The following ARID2 variants were observed in gnomAD, a reference collection of about 807,000 sequenced individuals.
The protein encoded by ARID2 is AT-rich interactive domain-containing protein 2.
A neutral mutation model predicts 184.6 loss-of-function variants in ARID2; 32 were observed. The ratio of observed to expected loss-of-function variants is 0.17; its 90% CI spans 0.13 to 0.23. The LOEUF (loss-of-function observed/expected upper bound fraction) is 0.23. ARID2 is among the 10% of genes least tolerant of loss of function. The pLI, the probability that ARID2 is intolerant of heterozygous loss-of-function variation, is 1.00. For synonymous variants in ARID2, 836 were observed against 772.6 expected, an observed-to-expected ratio of 1.08 and a Z score of -1.36; for missense variants, 1,696 against 2,197.6, an observed-to-expected ratio of 0.77 and a Z score of 4.56.
At chr12:45,745,956 A>G (rs1941347403) in intron 3 of ARID2, among the ~76,000 whole-genome samples, 1 of 151,966 alleles carries the variant, frequency 6.6e-6, no homozygotes, top group African/African-American at 2.4e-5. Flanking sequence ...ACCTAAACTT[A>G]CATATTTGAT....
intron 3 of ARID2, among the ~76,000 whole-genome samples, chr12:45,788,725 C>T (rs1942240792): frequency 6.6e-6 from 1 of 152,048 alleles, no homozygotes; most frequent in Non-Finnish European, 1.5e-5. Flanking sequence ...AGATGGAATT[C>T]TGAATTCTGA....
chr12:45,828,131 TAGAAC>T (rs1592101770), intron 6 of ARID2, among the ~76,000 whole-genome samples: 1 of 152,078 alleles, frequency 6.6e-6, no homozygotes, highest in Admixed American at 6.5e-5. Flanking sequence ...GATGAAGAAT[TAGAAC>T]ATTATCAACA....
chr12:45,748,167 A>AC (rs1941394154), intron 3 of ARID2, among the ~76,000 whole-genome samples: 2 of 152,146 alleles, frequency 1.3e-5, no homozygotes, highest in Non-Finnish European at 2.9e-5. Context: ...GTTTGAGACA[A>AC]CCTAGGCAGT....
chr12:45,804,965 C>G (rs1029076850), intron 3 of ARID2, among the ~76,000 whole-genome samples: 3 of 152,024 alleles, frequency 2.0e-5, no homozygotes, highest in Non-Finnish European at 4.4e-5. Flanking sequence ...TTTTCTTTTA[C>G]TTACCATTTT....
intron 3 of ARID2, among the ~76,000 whole-genome samples, chr12:45,807,467 C>G (rs534267515): frequency 1.1e-3 from 169 of 152,120 alleles, no homozygotes; most frequent in Non-Finnish European, 2.2e-3. Flanking sequence ...TTAAAAAAAT[C>G]TGAGAGAGAT....
chr12:45,869,900 AAAAC>A lies in ARID2; in HGVS notation c.4922+8962_4922+8965del, dbSNP rs367651416. ...TCCACCTCAAAAACAAAACAAAACAAAAACAAACAAACAAGTCTAATGTTTTCAG... is the reference window on the plus strand; with the variant it reads ...TCCACCTCAAAAACAAAACAAAACAAAAACAAACAAGTCTAATGTTTTCAG... On this transcript the variant is annotated intron_variant, in intron 16 of 20. Transcript: ENST00000334344. Among the ~76,000 whole-genome samples, 576 of 152,282 alleles carry A rather than the reference AAAAC, an allele frequency of 3.8e-3. 13 individuals carry two copies. The South Asian group carries it at 0.067, about 18-fold the overall frequency.
chr12:45,834,417 A>G (rs1488512752), intron 6 of ARID2, among the ~76,000 whole-genome samples: 1 of 152,198 alleles, frequency 6.6e-6, no homozygotes, highest in Non-Finnish European at 1.5e-5. Flanking sequence ...TTCTTGAGGA[A>G]CAGTTTCACT....
At chr12:45,817,965 TTTTG>T (rs1328994866) in intron 5 of ARID2, 77 bp downstream of exon 5, 4 of 1,135,614 alleles carry the variant, frequency 3.5e-6, no homozygotes, top group South Asian at 3.6e-5. Context: ...AGAAAGTACT[TTTTG>T]TTTGTCAACA....
intron 3 of ARID2, among the ~76,000 whole-genome samples, chr12:45,775,078 A>G (rs1014283015): frequency 1.3e-5 from 2 of 152,164 alleles, no homozygotes; most frequent in African/African-American, 4.8e-5. Context: ...TGAAATGTTA[A>G]TAGTGCTGAG....
At chr12:45,737,941 T>G (rs1217844774) in intron 3 of ARID2, among the ~76,000 whole-genome samples, 2 of 152,094 alleles carry the variant, frequency 1.3e-5, no homozygotes, top group Non-Finnish European at 2.9e-5. Context: ...CCACTTTAGT[T>G]AAGGGAAAAA....
At chr12:45,830,616 G>A (rs1254406970) in intron 6 of ARID2, among the ~76,000 whole-genome samples, 1 of 151,924 alleles carries the variant, frequency 6.6e-6, no homozygotes, top group Non-Finnish European at 1.5e-5. Context: ...GAAACCATTT[G>A]GTTATAGAAT....
rs774526469 is a variant in ARID2 at position 45,851,608 on chromosome 12, C to G, written c.3485C>G (p.Thr1162Ser). The change falls in exon 15 of 21, where the codon ACC becomes AGC. Residue 1162 changes from threonine to serine, a missense_variant. Around this residue, in one of 11 missense-constraint regions of ARID2, gnomAD observed 12 missense variants for 28.6 expected, o/e 0.42. Transcript: ENST00000334344. ...PGPLISNSPATIFQGTSGNQV... is the reference protein window; with the variant it reads ...PGPLISNSPASIFQGTSGNQV... The stretch of plus-strand genomic sequence containing the variant: ...CCACTGATCTCAAATAGCCCAGCAA[C>G]CATTTTCCAAGGGACTTCTGGCAAC... 6.2e-7 allele frequency: 1 copy of G among 1,614,150 alleles called. No homozygotes were observed. Among genetic ancestry groups the G allele is most frequent in the South Asian group, 1.1e-5 (1 of 91,084 alleles).
intron 3 of ARID2, among the ~76,000 whole-genome samples, chr12:45,745,739 A>G (rs1054367686): frequency 1.3e-5 from 2 of 152,072 alleles, no homozygotes; most frequent in Admixed American, 1.3e-4. Context: ...TAGTAGAGAC[A>G]GGGTTTCGTC....
At chr12:45,783,385 A>G (rs1942133449) in intron 3 of ARID2, among the ~76,000 whole-genome samples, 1 of 152,216 alleles carries the variant, frequency 6.6e-6, no homozygotes, top group Non-Finnish European at 1.5e-5. Flanking sequence ...GGTGTGAAAA[A>G]TTTTATGGTC....
chr12:45,894,018 T>TG, intron 20 of ARID2: 1 of 210,464 alleles, frequency 4.8e-6, no homozygotes, highest in Non-Finnish European at 9.3e-6. Flanking sequence ...AGGAGTTTAT[T>TG]GGGGAAAACA....
chr12:45,829,703 A>T (rs1327052637), intron 6 of ARID2, among the ~76,000 whole-genome samples: 1 of 142,884 alleles, frequency 7.0e-6, no homozygotes, highest in Non-Finnish European at 1.5e-5. Flanking sequence ...ATTTTTGTCC[A>T]TGTTCCATTT....
At chr12:45,757,981 A>G (rs1452893415) in intron 3 of ARID2, among the ~76,000 whole-genome samples, 2 of 152,248 alleles carry the variant, frequency 1.3e-5, no homozygotes, top group Admixed American at 6.5e-5. Flanking sequence ...TTAGGTGAAT[A>G]TGCAAAGATC....
chr12:45,768,155 C>T (rs1017629252), intron 3 of ARID2, among the ~76,000 whole-genome samples: 4 of 152,128 alleles, frequency 2.6e-5, no homozygotes, highest in Non-Finnish European at 5.9e-5. Flanking sequence ...ACAAGATTAC[C>T]TGTTCCTTTA....
intron 3 of ARID2, among the ~76,000 whole-genome samples, chr12:45,803,145 AC>A (rs1364291634): frequency 6.6e-6 from 1 of 152,174 alleles, no homozygotes; most frequent in Non-Finnish European, 1.5e-5. Flanking sequence ...TTAATGACTC[AC>A]TAAAAAGTAG....
Sources: allele counts gnomAD v4.1 joint callset (sites outside exome capture counted in the v4.1 genomes callset), GRCh38; gene constraint gnomAD v4.1.1; regional missense constraint gnomAD v4.1.1; transcripts MANE v1.5; gene names NCBI Gene and HGNC (gene_info 2026-07-23, HGNC 2026-07-21).